Variants in ADAMTS17 observed in about 807,000 individuals in gnomAD.
ADAMTS17 encodes A disintegrin and metalloproteinase with thrombospondin motifs 17.
In ADAMTS17, 113 loss-of-function variants were observed where a neutral mutation model predicts 141.5. That is an observed-to-expected ratio of 0.80 (90% CI 0.69 to 0.93). The LOEUF is 0.93. Among genes scored for constraint, ADAMTS17 ranks in the 40% least tolerant of loss-of-function variants. The pLI, the probability that ADAMTS17 is intolerant of heterozygous loss-of-function variation, is 0.00. For synonymous variants in ADAMTS17, 768 were observed against 630.6 expected (o/e 1.22, Z -3.27); for missense variants, 1,659 against 1,517.9 (o/e 1.09, Z -1.54).
chr15:99,990,626 CTT>C (rs10593374), intron 20 of ADAMTS17, among the ~76,000 whole-genome samples: 9,539 of 138,154 alleles, frequency 0.069, 872 homozygotes, highest in African/African-American at 0.21. Context: ...GGAAATTTGG[CTT>C]TTTTTTTTTT....
At chr15:100,116,175 C>T (rs1001085914) in intron 13 of ADAMTS17, among the ~76,000 whole-genome samples, 7 of 139,788 alleles carry the variant, frequency 5.0e-5, no homozygotes, top group Non-Finnish European at 1.1e-4. Context: ...AACCCTGAAG[C>T]GGGTCCTGGG....
At chr15:100,062,619 T>A (rs1356711713) in intron 15 of ADAMTS17, among the ~76,000 whole-genome samples, 1 of 152,222 alleles carries the variant, frequency 6.6e-6, no homozygotes, top group Admixed American at 6.5e-5. Context: ...GACAAAGATG[T>A]CATTTTAAAA....
chr15:100,308,581 A>G lies in ADAMTS17; in HGVS notation c.616+22308T>C, dbSNP rs78193198. Among the ~76,000 whole-genome samples the G allele has an allele frequency of 4.3e-3, 653 of 152,126 alleles. 7 individuals carry two copies. The highest frequency in any genetic ancestry group is 4.7e-3 in the Non-Finnish European group (322 of 68,008). On this transcript the variant is annotated intron_variant, in intron 3 of 21. Transcript: ENST00000268070. ...TGATGTATCATAACTCCAAGTAACT[A>G]CTCTTTAATATGGTTGAAACTGGAA...
chr15:100,269,332 C>T (rs1055268496), intron 4 of ADAMTS17, among the ~76,000 whole-genome samples: 3 of 152,172 alleles, frequency 2.0e-5, no homozygotes, highest in Non-Finnish European at 4.4e-5. Flanking sequence ...CAGTTCATTT[C>T]TTTATGTACC....
intron 3 of ADAMTS17, among the ~76,000 whole-genome samples, chr15:100,319,456 A>C (rs2045662716): frequency 1.3e-5 from 2 of 152,222 alleles, no homozygotes; most frequent in South Asian, 4.1e-4. Context: ...CACGCCTGTA[A>C]TCCCAGCACT....
At chr15:100,080,336 G>C (rs1185362341) in intron 15 of ADAMTS17, among the ~76,000 whole-genome samples, 2 of 152,124 alleles carry the variant, frequency 1.3e-5, no homozygotes, top group Admixed American at 6.6e-5. Flanking sequence ...TGTTGACTGG[G>C]GTGACTGACC....
At chr15:99,983,480 G>A (rs1367585351) in intron 20 of ADAMTS17, among the ~76,000 whole-genome samples, 2 of 152,040 alleles carry the variant, frequency 1.3e-5, no homozygotes, top group African/African-American at 4.8e-5. Context: ...CCCCACAGCG[G>A]GATTCCCTTC....
intron 20 of ADAMTS17, among the ~76,000 whole-genome samples, chr15:99,989,278 G>C (rs954721177): frequency 6.6e-6 from 1 of 152,202 alleles, no homozygotes; most frequent in Admixed American, 6.5e-5. Context: ...AGCAGTGCTA[G>C]GTGCCCCGAC....
chr15:100,091,082 C>T (rs944717325), intron 15 of ADAMTS17, among the ~76,000 whole-genome samples: 2 of 149,982 alleles, frequency 1.3e-5, no homozygotes, highest in African/African-American at 4.9e-5. Flanking sequence ...CCTCTGTCCA[C>T]AAACCGGGGA....
chr15:100,282,611 G>T (rs1432349079), intron 3 of ADAMTS17, among the ~76,000 whole-genome samples: 1 of 152,186 alleles, frequency 6.6e-6, no homozygotes, highest in East Asian at 1.9e-4. Context: ...TATTTTTGAT[G>T]CCTGGTTGAC....
chr15:100,332,082 G>C lies in ADAMTS17; in HGVS notation c.451-1028C>G, dbSNP rs976405859. On this transcript the variant is annotated intron_variant, in intron 2 of 21. Coordinates refer to ENST00000268070, the MANE Select transcript of ADAMTS17 (RefSeq NM_139057.4). ...ACAATCTTGCGTCCCCAAGATACAGGGTGAGGCCATACTTACCGCTCTAAG... is the reference window on the plus strand; with the variant it reads ...ACAATCTTGCGTCCCCAAGATACAGCGTGAGGCCATACTTACCGCTCTAAG... Among the ~76,000 whole-genome samples the C allele has an allele frequency of 2.6e-5, 4 of 152,222 alleles. No homozygotes were observed. The East Asian group carries it at 5.8e-4, about 22-fold the overall frequency.
At chr15:100,338,963 C>T in intron 2 of ADAMTS17, 2 of 985,554 alleles carry the variant, frequency 2.0e-6, no homozygotes, top group Non-Finnish European at 1.2e-6. Context: ...CTCCAAGTCA[C>T]CCCACTGTCT....
intron 18 of ADAMTS17, among the ~76,000 whole-genome samples, chr15:100,033,883 C>T (rs899672617): frequency 1.3e-5 from 2 of 152,332 alleles, no homozygotes; most frequent in African/African-American, 2.4e-5. Flanking sequence ...CTCTAGAAGC[C>T]AGTGGTGCCA....
intron 20 of ADAMTS17, among the ~76,000 whole-genome samples, chr15:99,984,240 T>C (rs887451569): frequency 2.0e-5 from 3 of 152,072 alleles, no homozygotes; most frequent in African/African-American, 7.2e-5. Flanking sequence ...CCTCCAGAGC[T>C]CTTGGGGACT....
intron 18 of ADAMTS17, among the ~76,000 whole-genome samples, chr15:100,008,270 C>T (rs891693141): frequency 1.3e-5 from 2 of 152,070 alleles, no homozygotes; most frequent in African/African-American, 4.8e-5. Context: ...CTGTGAGCCT[C>T]TGGCCTAGTG....
At chr15:100,162,492 CATATACACATTATATGTGTATAT>C (rs2039748977) in intron 8 of ADAMTS17, among the ~76,000 whole-genome samples, 1 of 123,802 alleles carries the variant, frequency 8.1e-6, no homozygotes, top group Non-Finnish European at 1.7e-5. Context: ...TATATATGCA[CATATACACATTATATGTGTATAT>C]ATATGCACAT....
intron 7 of ADAMTS17, among the ~76,000 whole-genome samples, chr15:100,233,384 G>GC (rs907256927): frequency 1.3e-5 from 2 of 151,976 alleles, no homozygotes; most frequent in African/African-American, 4.8e-5. Context: ...ATAAGTCGCC[G>GC]TTTTTTAAGA....
intron 3 of ADAMTS17, among the ~76,000 whole-genome samples, chr15:100,309,550 CCTCT>C (rs1292414309): frequency 1.8e-4 from 27 of 152,174 alleles, no homozygotes; most frequent in Non-Finnish European, 2.9e-5. Flanking sequence ...GCCGCAGAGT[CCTCT>C]CTAATCCCAA....
chr15:100,027,166 CAGTTTTT>C (rs2061531370), intron 18 of ADAMTS17, among the ~76,000 whole-genome samples: 1 of 152,188 alleles, frequency 6.6e-6, no homozygotes, highest in Non-Finnish European at 1.5e-5. Flanking sequence ...CCTGGTTTAT[CAGTTTTT>C]AATGATATCT....
Sources: allele counts gnomAD v4.1 joint callset (sites outside exome capture counted in the v4.1 genomes callset), GRCh38; gene constraint gnomAD v4.1.1; transcripts MANE v1.5; gene names NCBI Gene and HGNC (gene_info 2026-07-23, HGNC 2026-07-21).